NELL1: variants seen among roughly 807,000 people sequenced by gnomAD.
NELL1 encodes the protein neural EGFL like 1, also known as protein kinase C-binding protein NELL1.
NELL1 carries 76 observed loss-of-function variants against 107.4 expected under a neutral mutation model. That is an observed-to-expected ratio of 0.71 (90% CI 0.59 to 0.86). The LOEUF is 0.86. NELL1 is among the 40% of genes least tolerant of loss of function. NELL1 has a pLI of 0.00. For missense variants in NELL1, 1,024 were observed against 1,005.5 expected (o/e 1.02, Z -0.25); for synonymous variants, 353 against 341.2 (o/e 1.03, Z -0.38).
At chr11:20,834,767 T>C (rs1848500197) in intron 3 of NELL1, among the ~76,000 whole-genome samples, 1 of 151,872 alleles carries the variant, frequency 6.6e-6, no homozygotes, top group African/African-American at 2.4e-5. Context: ...TCAGGGTCCA[T>C]AGAGCCACTG....
intron 15 of NELL1, among the ~76,000 whole-genome samples, chr11:21,433,715 G>A (rs977370259): frequency 1.3e-5 from 2 of 152,044 alleles, no homozygotes; most frequent in African/African-American, 4.8e-5. Flanking sequence ...CACTCTTGTT[G>A]CCCAGGCTGG....
chr11:21,532,421 T>A (rs2133968721), intron 15 of NELL1, among the ~76,000 whole-genome samples: 1 of 152,348 alleles, frequency 6.6e-6, no homozygotes, highest in Middle Eastern at 3.4e-3. Flanking sequence ...AATTTAGGGC[T>A]GAAGGAGTTA....
chr11:21,309,432 T>C (rs954067734), intron 14 of NELL1, among the ~76,000 whole-genome samples: 4 of 151,416 alleles, frequency 2.6e-5, no homozygotes, highest in African/African-American at 9.7e-5. Context: ...TAAGAAATGA[T>C]GTGAAAACAA....
At chr11:21,423,679 T>G (rs1049014287) in intron 15 of NELL1, among the ~76,000 whole-genome samples, 2 of 152,190 alleles carry the variant, frequency 1.3e-5, no homozygotes, top group Non-Finnish European at 2.9e-5. Flanking sequence ...AATACACATT[T>G]TTCTCAAGTG....
intron 4 of NELL1, among the ~76,000 whole-genome samples, chr11:20,868,447 T>C (rs1204078658): frequency 1.3e-5 from 2 of 152,142 alleles, no homozygotes; most frequent in African/African-American, 4.8e-5. Context: ...GATAAAAAGT[T>C]AAGGAAATAG....
At position 21,575,003 on chromosome 11, in the gene NELL1, A is replaced by T. The variant is rs1857188406; in HGVS notation, c.2414A>T (p.Glu805Val). The change falls in exon 20 of 20, where the codon GAG (glutamate) becomes GTG (valine). Residue 805 changes from glutamate (E) to valine (V), a missense_variant. Coordinates refer to ENST00000357134, the MANE Select transcript of NELL1 (RefSeq NM_006157.5). ...NGRVCCSVDF[E>V]CLQNN is the part of the protein sequence containing the mutation. ...AGAGTCTGTTGTTCTGTGGATTTTGAGTGTCTTCAAAATAATTGAAGTATT... is the reference window on the plus strand; with the variant it reads ...AGAGTCTGTTGTTCTGTGGATTTTGTGTGTCTTCAAAATAATTGAAGTATT... 2.5e-6 allele frequency: 4 copies of T among 1,610,864 alleles called. No individual in the cohort carries two copies. The highest frequency in any genetic ancestry group is 2.5e-6 in the Non-Finnish European group (3 of 1,177,906).
intron 15 of NELL1, among the ~76,000 whole-genome samples, chr11:21,480,855 G>T (rs1050588756): frequency 6.6e-6 from 1 of 152,168 alleles, no homozygotes; most frequent in African/African-American, 2.4e-5. Flanking sequence ...ACCAAGTGGG[G>T]TGGTCTGAAT....
chr11:20,807,267 G>A (rs1857404938), intron 3 of NELL1, among the ~76,000 whole-genome samples: 1 of 152,162 alleles, frequency 6.6e-6, no homozygotes, highest in South Asian at 2.1e-4. Context: ...GCATTAGGAG[G>A]CACCCTAAAC....
chr11:21,319,928 T>G (rs576388180), intron 14 of NELL1, among the ~76,000 whole-genome samples: 1 of 152,196 alleles, frequency 6.6e-6, no homozygotes, highest in Non-Finnish European at 1.5e-5. Context: ...ACCTTTTTAT[T>G]TGTGCCGGCT....
intron 14 of NELL1, among the ~76,000 whole-genome samples, chr11:21,353,930 C>A (rs953761069): frequency 6.6e-6 from 1 of 152,108 alleles, no homozygotes; most frequent in African/African-American, 2.4e-5. Flanking sequence ...GTATTTTTCC[C>A]AAGATGGCTT....
At chr11:20,975,855 T>C (rs907458948) in intron 12 of NELL1, among the ~76,000 whole-genome samples, 1 of 134,716 alleles carries the variant, frequency 7.4e-6, no homozygotes. Flanking sequence ...TATATATACA[T>C]ATATGTGTAT....
chr11:20,847,728 C>T lies in NELL1; in HGVS notation c.481C>T (p.Leu161Phe), dbSNP rs750903617. 1.9e-6 allele frequency: 3 copies of T among 1,612,718 alleles called. No individual in the cohort carries two copies. The highest frequency in any genetic ancestry group is 2.2e-5 in the South Asian group (2 of 90,854). Residue 161 changes from leucine (L) to phenylalanine (F), a missense_variant, in exon 4 of 20, where the codon CTC becomes TTC. Transcript: ENST00000357134. ...TGCACTGTCAGTTAGCGCCTCTCAT[C>T]TCCTGCTCCATGTCGACTGTAACAG... ...KVALSVSASH[L>F]LLHVDCNRIY...
intron 12 of NELL1, among the ~76,000 whole-genome samples, chr11:21,080,850 G>A (rs529756743): frequency 1.3e-5 from 2 of 151,838 alleles, no homozygotes; most frequent in Non-Finnish European, 2.9e-5. Flanking sequence ...CAACAAAGTA[G>A]TGTTGGATTA....
chr11:20,887,953 A>G, intron 5 of NELL1, among the ~76,000 whole-genome samples: 1 of 152,214 alleles, frequency 6.6e-6, no homozygotes, highest in African/African-American at 2.4e-5. Context: ...AAATGAAATT[A>G]GCAGGTAAAG....
rs572644124 is a variant in NELL1 at position 21,539,409 on chromosome 11, G to T, written c.1786+4895G>T. 3.3e-5 allele frequency among the ~76,000 whole-genome samples: 5 copies of T among 152,084 alleles called. No individual in the cohort carries two copies. In the East Asian group the frequency reaches 5.9e-4, roughly 18 times the overall value. On this transcript the variant is annotated intron_variant, in intron 16 of 19. Coordinates refer to ENST00000357134, the MANE Select transcript of NELL1 (RefSeq NM_006157.5). ...CAGAGGGCCAGTGTGACGGCTTTCT[G>T]TATCTCAAGCTCTTGTCTGGTGTCC...
chr11:20,820,626 T>TCA (rs1857728613), intron 3 of NELL1, among the ~76,000 whole-genome samples: 2 of 152,168 alleles, frequency 1.3e-5, no homozygotes, highest in Non-Finnish European at 2.9e-5. Flanking sequence ...ACATTGTCAC[T>TCA]GAGCTCAGCC....
chr11:21,287,532 G>A (rs1297691921), intron 14 of NELL1, among the ~76,000 whole-genome samples: 3 of 152,086 alleles, frequency 2.0e-5, no homozygotes, highest in Admixed American at 6.6e-5. Flanking sequence ...CACCATGTCT[G>A]TCCCCCCACC....
chr11:21,427,921 G>A (rs2133830090), intron 15 of NELL1, among the ~76,000 whole-genome samples: 1 of 152,256 alleles, frequency 6.6e-6, no homozygotes, highest in African/African-American at 2.4e-5. Context: ...TGAATACATA[G>A]TTTGCACAAT....
rs1857192743 is a variant in NELL1, at chr11:21,575,180, T to G, written c.*158T>G. 1.5e-6 allele frequency: 1 copy of G among 655,578 alleles called. No individual in the cohort carries two copies. Among genetic ancestry groups the G allele is most frequent in the Admixed American group, 2.4e-5 (1 of 41,138 alleles). 40.6% of individuals were successfully genotyped at this position (655,578 alleles called of 1,614,324 possible). ...CTGAGGACGGTGTTTGGAGGTTGCC[T>G]TTTGGACCTACCACTTTGCTCATTC... On this transcript the variant is annotated 3_prime_UTR_variant, in exon 20 of 20. Coordinates refer to ENST00000357134, the MANE Select transcript of NELL1 (RefSeq NM_006157.5).
Sources: gnomAD v4.1 joint callset for allele counts (sites outside exome capture counted in the v4.1 genomes callset) on GRCh38, gnomAD v4.1.1 for gene constraint, MANE v1.5 for transcripts, NCBI Gene and HGNC (gene_info 2026-07-23, HGNC 2026-07-21) for gene names.